The following BLK variants were observed in gnomAD, a reference collection of about 807,000 sequenced individuals.
BLK encodes tyrosine-protein kinase Blk.
In BLK, 64 loss-of-function variants were observed where a neutral mutation model predicts 61.8. The ratio of observed to expected loss-of-function variants is 1.03; its 90% CI spans 0.85 to 1.27. BLK has a LOEUF of 1.27. BLK is among the 50% of genes most tolerant of loss of function. The pLI, the probability that BLK is intolerant of heterozygous loss-of-function variation, is 0.00. For missense variants in BLK, 853 were observed against 660.5 expected (o/e 1.29, Z -3.19); for synonymous variants, 351 against 272.0 (o/e 1.29, Z -2.86).
chr8:11,498,038 A>T (rs1390729101), intron 1 of BLK, among the ~76,000 whole-genome samples: 1 of 152,130 alleles, frequency 6.6e-6, no homozygotes, highest in East Asian at 1.9e-4. Context: ...GGCTTGTGCA[A>T]CCCCTTCATC....
intron 1 of BLK, among the ~76,000 whole-genome samples, chr8:11,518,118 A>G (rs1355470441): frequency 6.6e-6 from 1 of 152,086 alleles, no homozygotes; most frequent in Non-Finnish European, 1.5e-5. Context: ...CAGTGGGTGA[A>G]TAAGTGAGTC....
chr8:11,548,943 A>C (rs1321001676), intron 4 of BLK, 81 bp from the exon 5 acceptor site: 1 of 1,251,246 alleles, frequency 8.0e-7, no homozygotes, highest in Non-Finnish European at 1.1e-6. Flanking sequence ...GGGAGAGATG[A>C]CTTTGAGGAG....
chr8:11,522,348 T>C (rs1253490974), intron 1 of BLK, among the ~76,000 whole-genome samples: 1 of 152,168 alleles, frequency 6.6e-6, no homozygotes, highest in Non-Finnish European at 1.5e-5. Flanking sequence ...GTAAAACTAA[T>C]GTTTGACAAT....
At chr8:11,550,354 T>C (rs1372017046) in intron 6 of BLK, 92 bp downstream of exon 6, 2 of 1,245,756 alleles carry the variant, frequency 1.6e-6, no homozygotes, top group Non-Finnish European at 2.3e-6. Context: ...GGGGAAGGGG[T>C]GACTGCCAGG....
At chr8:11,514,125 G>T (rs970291473) in intron 1 of BLK, among the ~76,000 whole-genome samples, 1 of 152,184 alleles carries the variant, frequency 6.6e-6, no homozygotes, top group African/African-American at 2.4e-5. Flanking sequence ...GAAATGAGTG[G>T]AGGAAAATCC....
At chr8:11,525,744 G>C (rs1332925418) in intron 1 of BLK, among the ~76,000 whole-genome samples, 1 of 152,010 alleles carries the variant, frequency 6.6e-6, no homozygotes, top group African/African-American at 2.4e-5. Context: ...GCTTTTGTGG[G>C]GTTTTTTGTT....
At chr8:11,520,275 G>C (rs902352822) in intron 1 of BLK, among the ~76,000 whole-genome samples, 5 of 151,928 alleles carry the variant, frequency 3.3e-5, no homozygotes, top group Non-Finnish European at 7.4e-5. Flanking sequence ...CCAGGACTTC[G>C]AGACCAGTGT....
rs747027477 is a variant in BLK at position 11,561,209 on chromosome 8, C to A, written c.1030-93C>A. 1.6e-5 allele frequency: 25 copies of A among 1,515,176 alleles called. No homozygotes were observed. The East Asian group carries it at 3.2e-4, about 19-fold the overall frequency. 93.9% of individuals were successfully genotyped at this position (1,515,176 alleles called of 1,614,324 possible). ...ATCCAAGAAACAGCTCCTTCCCCAG[C>A]AGCCCACAGGGGCTGTGCGGGGGAC... On this transcript the variant is annotated intron_variant, in intron 10 of 12. Coordinates refer to ENST00000259089, the MANE Select transcript of BLK (RefSeq NM_001715.3).
chr8:11,517,459 G>A (rs1799272832), intron 1 of BLK, among the ~76,000 whole-genome samples: 1 of 152,194 alleles, frequency 6.6e-6, no homozygotes. Flanking sequence ...ACTTCTACCA[G>A]CCACTTTCCC....
chr8:11,538,148 TCA>T (rs1345683157), intron 1 of BLK, among the ~76,000 whole-genome samples: 1 of 152,164 alleles, frequency 6.6e-6, no homozygotes, highest in Non-Finnish European at 1.5e-5. Context: ...GCTCTCGCTC[TCA>T]CACACACACA....
chr8:11,554,993 G>T (rs986333265), intron 7 of BLK, 104 bp downstream of exon 7: 55 of 1,502,402 alleles, frequency 3.7e-5, no homozygotes, highest in Middle Eastern at 2.3e-4. Flanking sequence ...CTTGGGGGAT[G>T]GAAAGATTAT....
chr8:11,512,144 G>A (rs191738304), intron 1 of BLK, among the ~76,000 whole-genome samples: 6 of 152,334 alleles, frequency 3.9e-5, no homozygotes, highest in Non-Finnish European at 5.9e-5. Flanking sequence ...AGGCAGACAC[G>A]CAAGTTCTAT....
intron 1 of BLK, among the ~76,000 whole-genome samples, chr8:11,501,511 C>G (rs2618471): frequency 0.37 from 56,325 of 151,948 alleles, 12,060 homozygotes; most frequent in East Asian, 0.69. Flanking sequence ...AGCATGGCGT[C>G]CTGGTAAACG....
At chr8:11,535,319 A>AGAAG (rs1800088295) in intron 1 of BLK, among the ~76,000 whole-genome samples, 1 of 117,656 alleles carries the variant, frequency 8.5e-6, no homozygotes, top group Admixed American at 7.8e-5. Context: ...AAAGAAAGAA[A>AGAAG]GAAAGAGAAG....
At chr8:11,513,371 G>T (rs1313753539) in intron 1 of BLK, among the ~76,000 whole-genome samples, 1 of 152,188 alleles carries the variant, frequency 6.6e-6, no homozygotes, top group Non-Finnish European at 1.5e-5. Flanking sequence ...GTGGAGAGAC[G>T]AAGAGAAACC....
chr8:11,516,371 G>A (rs1799225802), intron 1 of BLK, among the ~76,000 whole-genome samples: 1 of 151,718 alleles, frequency 6.6e-6, no homozygotes, highest in South Asian at 2.1e-4. Context: ...CCTGCACTTG[G>A]TGGGTGGGTC....
intron 7 of BLK, 145 bp downstream of exon 7, chr8:11,555,034 C>G (rs1801131810): frequency 7.6e-7 from 1 of 1,318,924 alleles, no homozygotes; most frequent in Middle Eastern, 2.6e-4. Context: ...GGTAGCAACT[C>G]TGAGCACCGG....
At chr8:11,551,448 A>G (rs1337697024) in intron 6 of BLK, among the ~76,000 whole-genome samples, 7 of 152,160 alleles carry the variant, frequency 4.6e-5, no homozygotes, top group Non-Finnish European at 1.0e-4. Flanking sequence ...GCCCACCCAT[A>G]TGACCTCATT....
At chr8:11,497,507 G>T (rs1798403576) in intron 1 of BLK, among the ~76,000 whole-genome samples, 1 of 152,148 alleles carries the variant, frequency 6.6e-6, no homozygotes, top group Non-Finnish European at 1.5e-5. Context: ...TGGTTTGCAG[G>T]CCTGCCAGGT....
Sources: gnomAD v4.1 joint callset for allele counts (sites outside exome capture counted in the v4.1 genomes callset) on GRCh38, gnomAD v4.1.1 for gene constraint, MANE v1.5 for transcripts, NCBI Gene and HGNC (gene_info 2026-07-23, HGNC 2026-07-21) for gene names.